The following ZNF804A variants were observed in gnomAD, a reference collection of about 807,000 sequenced individuals.
ZNF804A encodes the protein zinc finger protein 804A.
In ZNF804A, 2 loss-of-function variants were observed where a neutral mutation model predicts 16.5. The observed-to-expected ratio is 0.12, with a 90% CI of 0.05 to 0.38. The LOEUF (loss-of-function observed/expected upper bound fraction) is 0.38, where lower values mean the gene tolerates loss of function less well. ZNF804A is among the 10% of genes least tolerant of loss of function. The pLI is 0.99. For missense variants in ZNF804A, 1,473 were observed against 1,390.7 expected (o/e 1.06, Z -0.94); for synonymous variants, 534 against 489.6 (o/e 1.09, Z -1.20).
At chr2:184,643,751 AAT>A (rs1365893362) in intron 1 of ZNF804A, among the ~76,000 whole-genome samples, 5 of 151,200 alleles carry the variant, frequency 3.3e-5, no homozygotes, top group African/African-American at 4.8e-5. Flanking sequence ...GACATGTATA[AAT>A]ATATATATAC....
chr2:184,841,026 C>T (rs1385284783), intron 1 of ZNF804A, among the ~76,000 whole-genome samples: 1 of 152,122 alleles, frequency 6.6e-6, no homozygotes, highest in Non-Finnish European at 1.5e-5. Flanking sequence ...TGAAGGTTTT[C>T]AGTTATCTTT....
At chr2:184,789,676 G>C (rs913959956) in intron 1 of ZNF804A, among the ~76,000 whole-genome samples, 1 of 151,998 alleles carries the variant, frequency 6.6e-6, no homozygotes, top group Non-Finnish European at 1.5e-5. Context: ...GGTAACAGTT[G>C]TGATATTACC....
At chr2:184,870,570 A>G (rs1214943713) in intron 2 of ZNF804A, among the ~76,000 whole-genome samples, 1 of 152,036 alleles carries the variant, frequency 6.6e-6, no homozygotes, top group Non-Finnish European at 1.5e-5. Flanking sequence ...AATTAGTGCT[A>G]TTGTTAACTC....
intron 1 of ZNF804A, among the ~76,000 whole-genome samples, chr2:184,858,944 A>G (rs1695748097): frequency 6.6e-6 from 1 of 152,142 alleles, no homozygotes; most frequent in Admixed American, 6.5e-5. Context: ...TTCTTAGCTG[A>G]TAGTTTTTTT....
chr2:184,721,715 T>C (rs1693319256), intron 1 of ZNF804A, among the ~76,000 whole-genome samples: 1 of 152,148 alleles, frequency 6.6e-6, no homozygotes, highest in Non-Finnish European at 1.5e-5. Context: ...GGAACGACTG[T>C]ACGACCCAGC....
chr2:184,837,127 T>C (rs975925487), intron 1 of ZNF804A, among the ~76,000 whole-genome samples: 3 of 152,074 alleles, frequency 2.0e-5, no homozygotes, highest in East Asian at 1.9e-4. Context: ...GTCTTTACCA[T>C]AGCGCTTACA....
chr2:184,806,025 C>T (rs1317445435), intron 1 of ZNF804A, among the ~76,000 whole-genome samples: 2 of 151,870 alleles, frequency 1.3e-5, no homozygotes, highest in Non-Finnish European at 2.9e-5. Flanking sequence ...ACCAAACAAA[C>T]ATAGAAGACA....
intron 1 of ZNF804A, among the ~76,000 whole-genome samples, chr2:184,632,075 A>G (rs1180471939): frequency 6.6e-6 from 1 of 152,198 alleles, no homozygotes; most frequent in East Asian, 1.9e-4. Context: ...TTGATAAAAA[A>G]TAGATTTTCA....
chr2:184,843,983 G>T (rs1176478143), intron 1 of ZNF804A, among the ~76,000 whole-genome samples: 1 of 151,840 alleles, frequency 6.6e-6, no homozygotes, highest in African/African-American at 2.4e-5. Context: ...GCCTTCTGTG[G>T]TTTTAATTGA....
intron 1 of ZNF804A, among the ~76,000 whole-genome samples, chr2:184,606,203 G>T (rs1691141702): frequency 6.6e-6 from 1 of 152,128 alleles, no homozygotes; most frequent in South Asian, 2.1e-4. Flanking sequence ...TATTACCCAA[G>T]ACCAGGTAAT....
intron 1 of ZNF804A, among the ~76,000 whole-genome samples, chr2:184,631,905 A>G (rs1467268101): frequency 6.6e-6 from 1 of 152,198 alleles, no homozygotes; most frequent in Non-Finnish European, 1.5e-5. Context: ...GAGAATGTGA[A>G]TATGAAGTTG....
chr2:184,700,736 T>C (rs2199883), intron 1 of ZNF804A, among the ~76,000 whole-genome samples: 47,384 of 151,890 alleles, frequency 0.31, 9,725 homozygotes, highest in African/African-American at 0.58. Context: ...GCAGTTCTCA[T>C]TTGATAGAGG....
chr2:184,663,696 T>C (rs1461301813), intron 1 of ZNF804A, among the ~76,000 whole-genome samples: 1 of 152,144 alleles, frequency 6.6e-6, no homozygotes, highest in East Asian at 1.9e-4. Flanking sequence ...GGCCCACCGA[T>C]GGCAACCCAT....
intron 1 of ZNF804A, among the ~76,000 whole-genome samples, chr2:184,619,494 T>C (rs993557996): frequency 6.6e-6 from 1 of 151,962 alleles, no homozygotes; most frequent in East Asian, 1.9e-4. Flanking sequence ...TAGAAACAAT[T>C]ACTGTAAGGC....
At chr2:184,877,236 C>T (rs935235723) in intron 2 of ZNF804A, among the ~76,000 whole-genome samples, 1 of 151,972 alleles carries the variant, frequency 6.6e-6, no homozygotes, top group East Asian at 1.9e-4. Flanking sequence ...AAGAATAAAT[C>T]TGTTTGGGGA....
intron 2 of ZNF804A, among the ~76,000 whole-genome samples, chr2:184,881,648 G>GT (rs971153125): frequency 4.4e-4 from 67 of 151,300 alleles, no homozygotes; most frequent in Admixed American, 1.6e-3. Context: ...ATTACTAAGA[G>GT]TTTTTTTTTC....
chr2:184,854,959 A>C (rs6748925), intron 1 of ZNF804A, among the ~76,000 whole-genome samples: 1 of 152,126 alleles, frequency 6.6e-6, no homozygotes, highest in South Asian at 2.1e-4. Flanking sequence ...TTTAAAAAAA[A>C]TGTGTTGATA....
chr2:184,755,001 A>T (rs1693937222), intron 1 of ZNF804A, among the ~76,000 whole-genome samples: 1 of 151,556 alleles, frequency 6.6e-6, no homozygotes, highest in Non-Finnish European at 1.5e-5. Context: ...ATGATCAATC[A>T]CCTCCCACTA....
intron 1 of ZNF804A, among the ~76,000 whole-genome samples, chr2:184,815,600 T>C (rs1045665415): frequency 1.3e-5 from 2 of 151,956 alleles, no homozygotes. Context: ...TCAGTGTATA[T>C]GCTAGTCTTA....
Sources: gnomAD v4.1 joint callset for allele counts (sites outside exome capture counted in the v4.1 genomes callset) on GRCh38, gnomAD v4.1.1 for gene constraint, MANE v1.5 for transcripts, NCBI Gene and HGNC (gene_info 2026-07-23, HGNC 2026-07-21) for gene names.